The following FNDC3B variants were observed in gnomAD, a reference collection of about 807,000 sequenced individuals.
FNDC3B encodes the protein fibronectin type III domain containing 3B, also known as fibronectin type III domain-containing protein 3B.
Under a neutral mutation model 151.5 loss-of-function variants are expected in FNDC3B, and 12 were observed. The ratio of observed to expected loss-of-function variants is 0.08; its 90% CI spans 0.05 to 0.13. The LOEUF is 0.13. Among genes scored for constraint, FNDC3B ranks in the 10% least tolerant of loss-of-function variants. The pLI is 1.00. For synonymous variants in FNDC3B, 528 were observed against 549.0 expected (o/e 0.96, Z 0.54); for missense variants, 1,214 against 1,505.3 (o/e 0.81, Z 3.20).
chr3:172,221,332 G>T (rs1211209118), intron 3 of FNDC3B, among the ~76,000 whole-genome samples: 11 of 152,176 alleles, frequency 7.2e-5, no homozygotes. Flanking sequence ...AGTGATGAAA[G>T]TGGACATCCT....
Position 172,188,405 on chromosome 3 carries a change from GTTTC to G in FNDC3B, c.188-38462_188-38459del, listed in dbSNP as rs1002578406. Among the ~76,000 whole-genome samples the G allele has an allele frequency of 3.4e-4, 52 of 151,366 alleles. No homozygotes were observed. The South Asian group carries it at 4.1e-3, about 12-fold the overall frequency. Reference sequence around the variant, plus strand: ...GTGGTGGAACTGAAGTTGGTTTTTTGTTTCTTTGTTTGTTTGTTTGAGATGGAGT... The same window carrying G: ...GTGGTGGAACTGAAGTTGGTTTTTTGTTTGTTTGTTTGTTTGAGATGGAGT... On this transcript the variant is annotated intron_variant, in intron 3 of 25. Coordinates refer to ENST00000415807, the MANE Select transcript of FNDC3B (RefSeq NM_022763.4).
intron 1 of FNDC3B, among the ~76,000 whole-genome samples, chr3:172,108,305 G>A (rs60740273): frequency 6.6e-6 from 1 of 152,140 alleles, no homozygotes; most frequent in Non-Finnish European, 1.5e-5. Context: ...AAATCCCTAA[G>A]AAAAAAGCTG....
intron 23 of FNDC3B, among the ~76,000 whole-genome samples, chr3:172,374,953 GA>G (rs1283111014): frequency 6.6e-6 from 1 of 152,114 alleles, no homozygotes; most frequent in Non-Finnish European, 1.5e-5. Context: ...TTTTGTTGTA[GA>G]GAGTAAAATG....
At chr3:172,396,031 T>TC (rs1736259738) in intron 25 of FNDC3B, among the ~76,000 whole-genome samples, 1 of 152,236 alleles carries the variant, frequency 6.6e-6, no homozygotes, top group Admixed American at 6.5e-5. Flanking sequence ...ACCCAGCACT[T>TC]CCTTGTATTT....
In FNDC3B at chr3:172,189,666, T is replaced by G. The variant is rs899102447; in HGVS notation, c.188-37205T>G. Among the ~76,000 whole-genome samples the G allele has an allele frequency of 2.0e-5, 3 of 151,964 alleles. No homozygotes were observed. The East Asian group carries it at 5.8e-4, about 29-fold the overall frequency. ...CTGTCTATACAAGAAATATAAAAAT[T>G]AGCCAGGCATGGTGGCACACGCCTT... On this transcript the variant is annotated intron_variant, in intron 3 of 25. Transcript: ENST00000415807.
intron 1 of FNDC3B, among the ~76,000 whole-genome samples, chr3:172,045,822 A>T: frequency 6.6e-6 from 1 of 151,054 alleles, no homozygotes. Flanking sequence ...TTTGCCTTAA[A>T]ATATATATTA....
chr3:172,141,656 G>A (rs538136758), intron 3 of FNDC3B, among the ~76,000 whole-genome samples: 2 of 152,058 alleles, frequency 1.3e-5, no homozygotes, highest in African/African-American at 4.8e-5. Context: ...GGCCAACATG[G>A]TGAAACCCCA....
At position 172,344,172 on chromosome 3, in the gene FNDC3B, C is replaced by T; in HGVS notation, c.2164C>T (p.His722Tyr). 2 of 1,614,148 alleles carry T rather than the reference C, an allele frequency of 1.2e-6. No individual in the cohort carries two copies. Among genetic ancestry groups the T allele is most frequent in the Non-Finnish European group, 1.7e-6 (2 of 1,180,002 alleles). The change falls in exon 19 of 26, where the codon CAT becomes TAT. Residue 722 changes from histidine to tyrosine, a missense_variant. By Grantham distance (83) the His-to-Tyr change is moderately conservative. This residue lies in a region of FNDC3B where 380 missense variants were observed against 420.9 expected (regional missense o/e 0.90). Coordinates refer to ENST00000415807, the MANE Select transcript of FNDC3B (RefSeq NM_022763.4). Reference sequence around the variant, plus strand: ...CGAAGACGTAGCCTCGGAAGTGTACCATGGCCCAGAGCTGGAGTGCACCGT... The same window carrying T: ...CGAAGACGTAGCCTCGGAAGTGTACTATGGCCCAGAGCTGGAGTGCACCGT... ...EPEDVASEVY[H>Y]GPELECTVGN... is the part of the protein sequence containing the mutation.
At chr3:172,148,513 T>A (rs1157594512) in intron 3 of FNDC3B, 1 of 152,138 alleles carries the variant, frequency 6.6e-6, no homozygotes, top group Non-Finnish European at 1.5e-5. Flanking sequence ...ACACCAGTAA[T>A]GATCTGGAAC....
chr3:172,065,086 C>T (rs1717421572), intron 1 of FNDC3B, among the ~76,000 whole-genome samples: 1 of 152,220 alleles, frequency 6.6e-6, no homozygotes, highest in Non-Finnish European at 1.5e-5. Flanking sequence ...GTAATCCCAG[C>T]ACTTTGGGAG....
intron 1 of FNDC3B, among the ~76,000 whole-genome samples, chr3:172,045,341 T>C (rs888019795): frequency 6.6e-6 from 1 of 152,200 alleles, no homozygotes; most frequent in African/African-American, 2.4e-5. Context: ...CATATCTGTG[T>C]TTTTGGGAAG....
At chr3:172,056,929 G>A (rs1716944982) in intron 1 of FNDC3B, among the ~76,000 whole-genome samples, 1 of 152,108 alleles carries the variant, frequency 6.6e-6, no homozygotes, top group Admixed American at 6.5e-5. Context: ...GGTAGTGTGG[G>A]CCTAAAATGA....
At chr3:172,395,834 G>T (rs905798153) in intron 25 of FNDC3B, among the ~76,000 whole-genome samples, 3 of 152,192 alleles carry the variant, frequency 2.0e-5, no homozygotes, top group Non-Finnish European at 4.4e-5. Context: ...GAAAAGATGC[G>T]CAGCATCTTT....
At chr3:172,364,400 G>GAAGCA (rs1161802641) in intron 23 of FNDC3B, among the ~76,000 whole-genome samples, 1 of 152,204 alleles carries the variant, frequency 6.6e-6, no homozygotes, top group Non-Finnish European at 1.5e-5. Context: ...AGAAAAAAGT[G>GAAGCA]AAGCACAGAA....
rs10582558 is a variant in FNDC3B at position 172,257,569 on chromosome 3, TACACACACACAC to T, written c.790+6057_790+6068del. Among the ~76,000 whole-genome samples, 209 of 143,866 alleles carry T rather than the reference TACACACACACAC, an allele frequency of 1.5e-3. 1 individual carries two copies. Among genetic ancestry groups the T allele is most frequent in the Middle Eastern group, 7.1e-3 (2 of 280 alleles). 94.4% of individuals were successfully genotyped at this position (143,866 alleles called of 152,430 possible). On this transcript the variant is annotated intron_variant, in intron 6 of 25. Coordinates refer to ENST00000415807, the MANE Select transcript of FNDC3B (RefSeq NM_022763.4). ...ACCCCTACCACATCACACGCATTCA[TACACACACACAC>T]ACACACACACACACACACACACACA...
intron 11 of FNDC3B, among the ~76,000 whole-genome samples, chr3:172,322,860 T>C (rs1220865417): frequency 2.5e-5 from 3 of 121,788 alleles, no homozygotes; most frequent in Admixed American, 1.6e-4. Context: ...TCTTCTCAGC[T>C]AGCAGATGGA....
intron 1 of FNDC3B, among the ~76,000 whole-genome samples, chr3:172,087,552 TCCTG>T (rs1718610065): frequency 6.6e-6 from 1 of 152,222 alleles, no homozygotes; most frequent in Non-Finnish European, 1.5e-5. Context: ...AGAGACCTTA[TCCTG>T]CCATTAATCA....
intron 4 of FNDC3B, among the ~76,000 whole-genome samples, chr3:172,231,505 T>C (rs751407550): frequency 3.3e-5 from 5 of 152,192 alleles, no homozygotes; most frequent in Non-Finnish European, 7.4e-5. Flanking sequence ...GTCCCAGTTA[T>C]GAATTGGGAA....
chr3:172,206,304 A>C (rs1009494993), intron 3 of FNDC3B, among the ~76,000 whole-genome samples: 1 of 152,184 alleles, frequency 6.6e-6, no homozygotes, highest in African/African-American at 2.4e-5. Context: ...TTGGACCTAA[A>C]ATGGTTTTGC....
Sources: gnomAD v4.1 joint callset for allele counts (sites outside exome capture counted in the v4.1 genomes callset) on GRCh38, gnomAD v4.1.1 for gene constraint, gnomAD v4.1.1 regional missense constraint, MANE v1.5 for transcripts, NCBI Gene and HGNC (gene_info 2026-07-23, HGNC 2026-07-21) for gene names.